CSGALNACT1: variants seen among roughly 807,000 people sequenced by gnomAD.
CSGALNACT1 encodes the protein chondroitin sulfate N-acetylgalactosaminyltransferase 1, also known as beta4GalNAcT-1.
CSGALNACT1 carries 52 observed loss-of-function variants against 51.0 expected under a neutral mutation model. The ratio of observed to expected loss-of-function variants is 1.02; its 90% CI spans 0.82 to 1.29. CSGALNACT1 has a LOEUF of 1.29. Among genes scored for constraint, CSGALNACT1 ranks in the 50% most tolerant of loss-of-function variants. The pLI is 0.00. For synonymous variants in CSGALNACT1, 341 were observed against 254.4 expected, an observed-to-expected ratio of 1.34 and a Z score of -3.24; for missense variants, 935 against 679.2, an observed-to-expected ratio of 1.38 and a Z score of -4.19.
chr8:19,757,502 G>C lies in CSGALNACT1; in HGVS notation c.-297+348C>G, dbSNP rs529491460. 2.8e-4 allele frequency among the ~76,000 whole-genome samples: 42 copies of C among 152,124 alleles called. No individual in the cohort carries two copies. Among genetic ancestry groups the C allele is most frequent in the African/African-American group, 1.0e-3 (42 of 41,456 alleles). On this transcript the variant is annotated intron_variant, in intron 1 of 1. Coordinates refer to the CSGALNACT1 transcript ENST00000517494. The surrounding 1 kb of genome is among the most constrained non-coding windows in gnomAD (Gnocchi z 4.0). ...GTGCGTCCCTGCGCCCGTCGGAGCG[G>C]CGCCCTGGCCGAAGCCTGTCACTCT...
chr8:19,628,274 CA>C (rs1259942670), intron 1 of CSGALNACT1, among the ~76,000 whole-genome samples: 1 of 152,130 alleles, frequency 6.6e-6, no homozygotes, highest in Non-Finnish European at 1.5e-5. Flanking sequence ...AATCATGGCG[CA>C]AGGCCAAGGA....
chr8:19,581,285 A>G (rs181213190), intron 3 of CSGALNACT1, among the ~76,000 whole-genome samples: 1 of 152,334 alleles, frequency 6.6e-6, no homozygotes. Flanking sequence ...ACTGCCAGAT[A>G]TAAATAGCAT....
intron 1 of CSGALNACT1, among the ~76,000 whole-genome samples, chr8:19,699,152 A>G (rs112841187): frequency 2.1e-3 from 325 of 152,296 alleles, no homozygotes; most frequent in African/African-American, 7.5e-3. Flanking sequence ...GACTACAGGC[A>G]TGAGCCACCG....
chr8:19,495,776 G>C (rs373235399), intron 4 of CSGALNACT1, among the ~76,000 whole-genome samples: 3 of 152,230 alleles, frequency 2.0e-5, no homozygotes, highest in African/African-American at 7.2e-5. Context: ...CCAAGGGTTT[G>C]TGTGAGGTGA....
intron 1 of CSGALNACT1, among the ~76,000 whole-genome samples, chr8:19,728,987 G>C (rs928544162): frequency 6.6e-6 from 1 of 152,050 alleles, no homozygotes; most frequent in Non-Finnish European, 1.5e-5. Context: ...ATTTTCAAAG[G>C]TTCCTACTGT....
chr8:19,629,250 G>C lies in CSGALNACT1; in HGVS notation c.-543-27385C>G, dbSNP rs75302182. 7.9e-5 allele frequency among the ~76,000 whole-genome samples: 12 copies of C among 152,286 alleles called. No homozygotes were observed. In the East Asian group the frequency reaches 2.1e-3, roughly 27 times the overall value. The stretch of plus-strand genomic sequence containing the variant: ...AACGTTTTCCTGGTCATCTGAGTTA[G>C]GACAAAAGTAGGACAGATTAGACTT... On this transcript the variant is annotated intron_variant, in intron 1 of 9. Coordinates refer to the CSGALNACT1 transcript ENST00000332246.
chr8:19,453,114 A>T (rs1300216570), intron 5 of CSGALNACT1, among the ~76,000 whole-genome samples: 1 of 152,226 alleles, frequency 6.6e-6, no homozygotes, highest in Non-Finnish European at 1.5e-5. Context: ...AATAAAATTA[A>T]AAGAAAAAGT....
intron 3 of CSGALNACT1, among the ~76,000 whole-genome samples, chr8:19,525,311 A>C: frequency 6.6e-6 from 1 of 152,022 alleles, no homozygotes; most frequent in Non-Finnish European, 1.5e-5. Context: ...GGCACTAAAA[A>C]CCTGCAGAAT....
chr8:19,466,656 T>C (rs1309136590), intron 4 of CSGALNACT1, among the ~76,000 whole-genome samples: 1 of 152,238 alleles, frequency 6.6e-6, no homozygotes, highest in Non-Finnish European at 1.5e-5. Flanking sequence ...AGTAGTAAAC[T>C]TGTGACATTT....
chr8:19,405,442 C>T lies in CSGALNACT1; in HGVS notation c.*338G>A, dbSNP rs1307664074. The T allele has an allele frequency of 1.4e-5, 7 of 491,518 alleles. No homozygotes were observed. In the East Asian group the frequency reaches 3.5e-4, roughly 25 times the overall value. 30.4% of individuals were successfully genotyped at this position (491,518 alleles called of 1,614,324 possible). A position where few individuals can be genotyped will look rare whatever the true frequency, so the allele number is the denominator to read the frequency against. On this transcript the variant is annotated 3_prime_UTR_variant, in exon 10 of 10. Coordinates refer to ENST00000454498, the Ensembl canonical transcript of CSGALNACT1. Reference sequence around the variant, plus strand: ...CTAATGAATTTTTTACAAAACTGCTCTTAAATCATGAATATTTCAATGAGC... The same window carrying T: ...CTAATGAATTTTTTACAAAACTGCTTTTAAATCATGAATATTTCAATGAGC...
chr8:19,641,790 G>A (rs184398508), intron 1 of CSGALNACT1: 1 of 152,274 alleles, frequency 6.6e-6, no homozygotes, highest in South Asian at 2.1e-4. Context: ...TAATTACCAG[G>A]TGACCCCCAA....
chr8:19,594,422 G>A lies in CSGALNACT1; in HGVS notation c.-415-3144C>T, dbSNP rs770227524. Among the ~76,000 whole-genome samples the A allele has an allele frequency of 3.9e-5, 6 of 152,272 alleles. No homozygotes were observed. The South Asian group carries it at 1.2e-3, about 32-fold the overall frequency. ...TTAAAGTACGTGGTATCAAATTACA[G>A]TGAGACGAACAATAACATTGAGACT... On this transcript the variant is annotated intron_variant, in intron 2 of 9. Coordinates refer to ENST00000454498, the Ensembl canonical transcript of CSGALNACT1.
At chr8:19,667,834 T>C (rs532729885) in intron 1 of CSGALNACT1, among the ~76,000 whole-genome samples, 5 of 152,214 alleles carry the variant, frequency 3.3e-5, no homozygotes, top group Admixed American at 6.5e-5. Flanking sequence ...TATTACATAC[T>C]GGTAAGAATT....
intron 1 of CSGALNACT1, among the ~76,000 whole-genome samples, chr8:19,646,525 A>T (rs1589245626): frequency 6.6e-6 from 1 of 152,330 alleles, no homozygotes; most frequent in East Asian, 1.9e-4. Context: ...AGAAGAAACA[A>T]TAGTGTCCAA....
chr8:19,446,414 G>T (rs2062125979), intron 5 of CSGALNACT1, among the ~76,000 whole-genome samples: 1 of 152,080 alleles, frequency 6.6e-6, no homozygotes. Context: ...CCTCCAGGGA[G>T]CTCATCATTT....
upstream of CSGALNACT1, among the ~76,000 whole-genome samples, chr8:19,605,584 G>A (rs527941924): frequency 1.6e-4 from 24 of 152,296 alleles, no homozygotes; most frequent in South Asian, 4.6e-3. Flanking sequence ...AAGAGCTCAT[G>A]TGTCATCACC....
intron 1 of CSGALNACT1, chr8:19,732,624 A>G (rs893638181): frequency 6.6e-6 from 1 of 152,224 alleles, no homozygotes; most frequent in Non-Finnish European, 1.5e-5. Context: ...GGAAAACAGC[A>G]TCAAGGTTTA....
chr8:19,530,684 T>C (rs923010212), intron 3 of CSGALNACT1, among the ~76,000 whole-genome samples: 2 of 152,124 alleles, frequency 1.3e-5, no homozygotes, highest in African/African-American at 4.8e-5. Flanking sequence ...CGAGCTATGA[T>C]TGTGCCACTG....
rs558737188 is a variant in CSGALNACT1 at position 19,704,817 on chromosome 8, T to C, written c.-297+53033A>G. ...ATAACAAGGATGAACCTGGAGGACA[T>C]TATGCTAAGTGAAACAACCTAGACA... is the stretch of plus-strand genomic sequence containing the variant. On this transcript the variant is annotated intron_variant, in intron 1 of 1. Transcript: ENST00000517494. 2.0e-5 allele frequency among the ~76,000 whole-genome samples: 3 copies of C among 152,266 alleles called. No individual in the cohort carries two copies. The East Asian group carries it at 5.8e-4, about 29-fold the overall frequency.
Sources: gnomAD v4.1 joint callset for allele counts (sites outside exome capture counted in the v4.1 genomes callset) on GRCh38, gnomAD v4.1.1 for gene constraint, Gnocchi (gnomAD v3.1) non-coding constraint, MANE v1.5 for transcripts, NCBI Gene and HGNC (gene_info 2026-07-23, HGNC 2026-07-21) for gene names.